TBC1D5: variants seen among roughly 807,000 people sequenced by gnomAD.
TBC1D5 encodes TBC1 domain family, member 5.
TBC1D5 carries 75 observed loss-of-function variants against 100.3 expected under a neutral mutation model. The observed-to-expected ratio is 0.75, with a 90% confidence interval of 0.62 to 0.91. TBC1D5 has a LOEUF of 0.91. Among genes scored for constraint, TBC1D5 ranks in the 40% least tolerant of loss-of-function variants. The pLI is 0.00. For synonymous variants in TBC1D5, 323 were observed against 325.6 expected (o/e 0.99, Z 0.09); for missense variants, 910 against 942.4 (o/e 0.97, Z 0.45).
chr3:17,319,172 C>G lies in TBC1D5; in HGVS notation c.996-11038G>C, dbSNP rs536038847. Among the ~76,000 whole-genome samples, 39 of 152,168 alleles carry G rather than the reference C, an allele frequency of 2.6e-4. No homozygotes were observed. The South Asian group carries it at 7.7e-3, about 30-fold the overall frequency. On this transcript the variant is annotated intron_variant, in intron 13 of 21. Coordinates refer to ENST00000253692, the Ensembl canonical transcript of TBC1D5. The stretch of plus-strand genomic sequence containing the variant: ...TTCATAAATTAATCTGCTCGTAAAC[C>G]AACTCAAATATGAAGCAGCAGAACC...
At chr3:17,206,102 A>C (rs2125882343) in intron 18 of TBC1D5, among the ~76,000 whole-genome samples, 1 of 152,264 alleles carries the variant, frequency 6.6e-6, no homozygotes, top group South Asian at 2.1e-4. Context: ...AATATCCGCC[A>C]CTACTACCTG....
At chr3:17,563,797 T>G (rs1159091813) in intron 2 of TBC1D5, among the ~76,000 whole-genome samples, 1 of 152,224 alleles carries the variant, frequency 6.6e-6, no homozygotes, top group East Asian at 1.9e-4. Flanking sequence ...TTTTGGTTTT[T>G]TTTGAGACGG....
At chr3:17,373,388 A>G (rs532952614) in intron 12 of TBC1D5, among the ~76,000 whole-genome samples, 1 of 152,312 alleles carries the variant, frequency 6.6e-6, no homozygotes, top group South Asian at 2.1e-4. Flanking sequence ...ATTCTTTAAC[A>G]GTATCCATTG....
chr3:17,614,469 A>AC (rs1438292443), intron 2 of TBC1D5, among the ~76,000 whole-genome samples: 1 of 152,176 alleles, frequency 6.6e-6, no homozygotes, highest in African/African-American at 2.4e-5. Flanking sequence ...TCTATAAATT[A>AC]CCCTGGGCAG....
intron 1 of TBC1D5, among the ~76,000 whole-genome samples, chr3:17,645,049 A>T (rs1242560719): frequency 6.6e-6 from 1 of 152,122 alleles, no homozygotes; most frequent in Non-Finnish European, 1.5e-5. Flanking sequence ...TCATTTTCTG[A>T]CAGTTGCTTA....
Position 17,417,964 on chromosome 3 carries a change from C to A in TBC1D5, c.167+10486G>T, listed in dbSNP as rs568338766. Among the ~76,000 whole-genome samples the A allele has an allele frequency of 2.4e-3, 361 of 152,162 alleles. 2 individuals carry two copies. Among genetic ancestry groups the A allele is most frequent in the African/African-American group, 8.0e-3 (334 of 41,524 alleles). On this transcript the variant is annotated intron_variant, in intron 4 of 21. Coordinates refer to ENST00000253692, the Ensembl canonical transcript of TBC1D5. ...TCTAATGGGTTGAGACACTTGGGCA[C>A]GTCATCTGCATTAGTTTCCTAATCT... is the stretch of plus-strand genomic sequence containing the variant.
chr3:17,173,121 A>G (rs2067332128), intron 19 of TBC1D5, among the ~76,000 whole-genome samples: 2 of 152,186 alleles, frequency 1.3e-5, no homozygotes, highest in African/African-American at 4.8e-5. Flanking sequence ...TATCTCAGCA[A>G]CCCTTCTAGA....
chr3:17,580,833 G>C (rs2096689572), intron 2 of TBC1D5, among the ~76,000 whole-genome samples: 1 of 152,130 alleles, frequency 6.6e-6, no homozygotes, highest in Non-Finnish European at 1.5e-5. Context: ...TAACCTCACT[G>C]TGTTTTCTTC....
At chr3:17,163,979 T>G (rs1045543948) in intron 21 of TBC1D5, among the ~76,000 whole-genome samples, 6 of 152,316 alleles carry the variant, frequency 3.9e-5, no homozygotes, top group Non-Finnish European at 5.9e-5. Context: ...TCCCACAAAG[T>G]CCTGCCTTCT....
At chr3:17,430,754 C>T (rs1045208356) in intron 3 of TBC1D5, among the ~76,000 whole-genome samples, 1 of 151,830 alleles carries the variant, frequency 6.6e-6, no homozygotes, top group Non-Finnish European at 1.5e-5. Context: ...TGGACGATCC[C>T]AGACTCTTAT....
intron 13 of TBC1D5, among the ~76,000 whole-genome samples, chr3:17,370,138 T>A (rs2092381217): frequency 6.6e-6 from 1 of 151,942 alleles, no homozygotes; most frequent in Non-Finnish European, 1.5e-5. Context: ...GAAACTAACA[T>A]CTGAAAAGGA....
chr3:17,195,646 C>T (rs2070565038), intron 18 of TBC1D5, among the ~76,000 whole-genome samples: 2 of 152,294 alleles, frequency 1.3e-5, no homozygotes, highest in African/African-American at 4.8e-5. Flanking sequence ...AGACAAAAAA[C>T]CGTACCCTGC....
At chr3:17,378,926 T>C (rs1278900603) in intron 9 of TBC1D5, among the ~76,000 whole-genome samples, 4 of 151,796 alleles carry the variant, frequency 2.6e-5, no homozygotes, top group African/African-American at 9.7e-5. Flanking sequence ...TAACCCATCT[T>C]CTCCCCAGAG....
At chr3:17,309,607 G>C (rs1351071973) in intron 13 of TBC1D5, among the ~76,000 whole-genome samples, 1 of 149,222 alleles carries the variant, frequency 6.7e-6, no homozygotes, top group South Asian at 2.1e-4. Context: ...ATTTTTTTTT[G>C]TCTAATATGG....
chr3:17,403,802 T>C lies in TBC1D5; in HGVS notation c.442-554A>G, dbSNP rs554033848. ...AATAATGAGAAACTAGTATATATTC[T>C]CAAAATTTTTATTATCTATATAAAG... On this transcript the variant is annotated intron_variant, in intron 7 of 21. Coordinates refer to ENST00000253692, the Ensembl canonical transcript of TBC1D5. Among the ~76,000 whole-genome samples, 227 of 152,194 alleles carry C rather than the reference T, an allele frequency of 1.5e-3. 1 individual carries two copies. The highest frequency in any genetic ancestry group is 2.7e-3 in the South Asian group (13 of 4,828).
chr3:17,481,751 T>C (rs188249098), intron 3 of TBC1D5, among the ~76,000 whole-genome samples: 2 of 152,378 alleles, frequency 1.3e-5, no homozygotes, highest in African/African-American at 4.8e-5. Context: ...TTATTTTTTT[T>C]TGAGACGGAG....
At chr3:17,416,038 G>A (rs979909872) in intron 4 of TBC1D5, among the ~76,000 whole-genome samples, 9 of 152,132 alleles carry the variant, frequency 5.9e-5, no homozygotes, top group Admixed American at 2.0e-4. Flanking sequence ...TTTATTTAGC[G>A]AAACCTGATG....
At chr3:17,287,117 A>T (rs1052930290) in intron 15 of TBC1D5, among the ~76,000 whole-genome samples, 44 of 152,338 alleles carry the variant, frequency 2.9e-4, no homozygotes, top group African/African-American at 1.0e-3. Context: ...CTTGATAAAA[A>T]TGGCAGCTGA....
intron 1 of TBC1D5, among the ~76,000 whole-genome samples, chr3:17,661,104 T>G (rs966006081): frequency 1.3e-5 from 2 of 152,160 alleles, no homozygotes; most frequent in Admixed American, 1.3e-4. Flanking sequence ...AAAAATTCAA[T>G]TATAACCCAA....
Sources: gnomAD v4.1 joint callset for allele counts (sites outside exome capture counted in the v4.1 genomes callset) on GRCh38, gnomAD v4.1.1 for gene constraint, MANE v1.5 for transcripts, NCBI Gene and HGNC (gene_info 2026-07-23, HGNC 2026-07-21) for gene names.